Variants in CUX1 observed in about 807,000 individuals in gnomAD.
The protein encoded by CUX1 is protein CASP.
A neutral mutation model predicts 158.8 loss-of-function variants in CUX1; 31 were observed. That is an observed-to-expected ratio of 0.20 (90% confidence interval 0.15 to 0.26). The LOEUF (loss-of-function observed/expected upper bound fraction) is 0.26, where lower values mean the gene tolerates loss of function less well. Among genes scored for constraint, CUX1 ranks in the 10% least tolerant of loss-of-function variants. The probability of loss-of-function intolerance (pLI) is 1.00; values close to 1 mark genes in which losing one functional copy is unlikely to be tolerated. For synonymous variants in CUX1, 879 were observed against 862.1 expected (o/e 1.02, Z -0.34); for missense variants, 1,589 against 2,014.6 (o/e 0.79, Z 4.04).
intron 8 of CUX1, among the ~76,000 whole-genome samples, chr7:102,144,596 G>A (rs1427466548): frequency 4.6e-5 from 7 of 150,640 alleles, no homozygotes; most frequent in East Asian, 3.9e-4. Context: ...GCTTGAGCCC[G>A]GGAGGTTGAG....
intron 2 of CUX1, among the ~76,000 whole-genome samples, chr7:101,926,105 A>AG (rs1353113592): frequency 6.6e-6 from 1 of 152,158 alleles, no homozygotes; most frequent in Non-Finnish European, 1.5e-5. Flanking sequence ...TCATTTTTGC[A>AG]GGGGGCAGTT....
chr7:102,249,814 T>C lies in CUX1; in HGVS notation c.*772T>C. On this transcript the variant is annotated 3_prime_UTR_variant, in exon 24 of 24. Coordinates refer to ENST00000292535, the MANE Select transcript of CUX1 (RefSeq NM_181552.4). ...CCTAAATATTTTCAAGAAAAGAATC[T>C]TCTCGTTTGAAACTTTGAATTAAAA... 1.0e-6 allele frequency: 1 copy of C among 985,736 alleles called. No individual in the cohort carries two copies. Among genetic ancestry groups the C allele is most frequent in the Non-Finnish European group, 1.2e-6 (1 of 829,818 alleles). The allele number at this position is 985,736 out of a possible 1,614,324, so 61.1% of individuals were successfully genotyped here.
At chr7:102,281,975 T>C (rs1792106501) in intron 21 of CUX1, 1 of 1,255,568 alleles carries the variant, frequency 8.0e-7, no homozygotes, top group African/African-American at 1.5e-5. Flanking sequence ...AGCCCTGACC[T>C]CCAGGGCAGC....
chr7:102,096,625 G>C (rs1221652059), intron 4 of CUX1, among the ~76,000 whole-genome samples: 1 of 152,142 alleles, frequency 6.6e-6, no homozygotes. Flanking sequence ...AGGATTGCTT[G>C]AGCCCAGGAG....
At chr7:102,058,185 A>G (rs1243063081) in intron 3 of CUX1, among the ~76,000 whole-genome samples, 2 of 152,264 alleles carry the variant, frequency 1.3e-5, no homozygotes, top group East Asian at 3.8e-4. Flanking sequence ...TACTTAATAG[A>G]CTATGATACA....
intron 2 of CUX1, among the ~76,000 whole-genome samples, chr7:102,009,412 G>A (rs762372744): frequency 1.3e-5 from 2 of 152,184 alleles, no homozygotes; most frequent in African/African-American, 4.8e-5. Context: ...GCTGCAGAGC[G>A]GCTCATTTCT....
intron 8 of CUX1, among the ~76,000 whole-genome samples, chr7:102,122,426 G>C (rs1832146325): frequency 6.6e-6 from 1 of 151,914 alleles, no homozygotes; most frequent in Admixed American, 6.6e-5. Context: ...TCCAAAAGGG[G>C]CTTGTGGATT....
At chr7:102,057,613 C>T (rs779143619) in intron 3 of CUX1, among the ~76,000 whole-genome samples, 2 of 151,922 alleles carry the variant, frequency 1.3e-5, no homozygotes, top group African/African-American at 4.8e-5. Flanking sequence ...ACTGCAGATG[C>T]GGGGGAAATA....
intron 2 of CUX1, among the ~76,000 whole-genome samples, chr7:101,957,918 C>T (rs1263442315): frequency 6.6e-6 from 1 of 152,046 alleles, no homozygotes; most frequent in African/African-American, 2.4e-5. Context: ...GATCAGAACC[C>T]CAGCTGCCGT....
intron 23 of CUX1, among the ~76,000 whole-genome samples, chr7:102,240,117 A>G (rs373502188): frequency 6.6e-6 from 1 of 152,148 alleles, no homozygotes; most frequent in Non-Finnish European, 1.5e-5. Flanking sequence ...TCACTGTCAC[A>G]TAGTTAGAAA....
At chr7:102,184,223 A>G (rs1159066143) in intron 11 of CUX1, among the ~76,000 whole-genome samples, 1 of 152,164 alleles carries the variant, frequency 6.6e-6, no homozygotes, top group Non-Finnish European at 1.5e-5. Context: ...TTATAGATTA[A>G]ACACCTAATT....
At chr7:102,072,857 G>A (rs149801880) in intron 4 of CUX1, among the ~76,000 whole-genome samples, 8 of 152,168 alleles carry the variant, frequency 5.3e-5, no homozygotes, top group South Asian at 2.1e-4. Flanking sequence ...CCATACTGAC[G>A]CAGGGATAAA....
chr7:102,199,228 C>T (rs1174842065), intron 16 of CUX1, among the ~76,000 whole-genome samples: 1 of 152,236 alleles, frequency 6.6e-6, no homozygotes, highest in Non-Finnish European at 1.5e-5. Flanking sequence ...AAATTAAATA[C>T]TGCTGCTTCC....
At chr7:101,833,773 G>A (rs1248845107) in intron 1 of CUX1, among the ~76,000 whole-genome samples, 3 of 151,994 alleles carry the variant, frequency 2.0e-5, no homozygotes, top group Admixed American at 6.6e-5. Context: ...TCAGGTTTTC[G>A]CCTTCCCAGG....
chr7:102,086,477 T>C (rs147290831), intron 4 of CUX1, among the ~76,000 whole-genome samples: 34 of 152,280 alleles, frequency 2.2e-4, no homozygotes, highest in African/African-American at 8.2e-4. Context: ...TTAAAGAGAA[T>C]GTGTATTCTG....
chr7:102,056,731 C>T lies in CUX1; in HGVS notation c.190-13608C>T, dbSNP rs1462005180. 6.6e-5 allele frequency among the ~76,000 whole-genome samples: 10 copies of T among 151,230 alleles called. No homozygotes were observed. The East Asian group carries it at 1.4e-3, about 21-fold the overall frequency. On this transcript the variant is annotated intron_variant, in intron 3 of 23. Coordinates refer to ENST00000292535, the MANE Select transcript of CUX1 (RefSeq NM_181552.4). ...GATTACAGGCTCCCACCACCATGCT[C>T]GGCTACTTTTTGTATTTTTAGAAGA...
intron 1 of CUX1, among the ~76,000 whole-genome samples, chr7:101,914,964 G>A (rs1488958597): frequency 6.6e-6 from 1 of 152,158 alleles, no homozygotes; most frequent in African/African-American, 2.4e-5. Flanking sequence ...CTGGGTGGTG[G>A]GGGGTGGAGA....
At chr7:101,994,275 C>T (rs1413735389) in intron 2 of CUX1, among the ~76,000 whole-genome samples, 3 of 152,240 alleles carry the variant, frequency 2.0e-5, no homozygotes, top group Non-Finnish European at 4.4e-5. Flanking sequence ...TCTTTGGAAT[C>T]TCTTGGCCAG....
chr7:102,163,654 TGTAA>T (rs1260453972), intron 9 of CUX1, among the ~76,000 whole-genome samples: 1 of 152,076 alleles, frequency 6.6e-6, no homozygotes, highest in African/African-American at 2.4e-5. Flanking sequence ...GAGGCTATTG[TGTAA>T]GTATGGGGAG....
Sources: allele counts gnomAD v4.1 joint callset (sites outside exome capture counted in the v4.1 genomes callset), GRCh38; gene constraint gnomAD v4.1.1; transcripts MANE v1.5; gene names NCBI Gene and HGNC (gene_info 2026-07-23, HGNC 2026-07-21).